Variants in BOK observed in about 807,000 individuals in gnomAD.
BOK encodes BCL2 family apoptosis regulator BOK.
In BOK, 20 loss-of-function variants were observed where a neutral mutation model predicts 18.3. The ratio of observed to expected loss-of-function variants is 1.09; its 90% CI spans 0.77 to 1.59. The LOEUF (loss-of-function observed/expected upper bound fraction) is 1.59, where lower values mean the gene tolerates loss of function less well. BOK is among the 40% of genes most tolerant of loss of function. The pLI is 0.00. For missense variants in BOK, 348 were observed against 307.9 expected (o/e 1.13, Z -0.97); for synonymous variants, 173 against 142.4 (o/e 1.21, Z -1.53).
At chr2:241,558,055 AC>A (rs1415139478), upstream of BOK, among the ~76,000 whole-genome samples, 6 of 95,224 alleles carry the variant, frequency 6.3e-5, no homozygotes, top group African/African-American at 3.5e-4. Flanking sequence ...GAGTTCCGAG[AC>A]ACACACACAC....
At chr2:241,564,869 C>A (rs922745404) in intron 3 of BOK, among the ~76,000 whole-genome samples, 23 of 152,330 alleles carry the variant, frequency 1.5e-4, no homozygotes, top group African/African-American at 5.5e-4. Flanking sequence ...GAGAATGCAG[C>A]AGCCTGCCCA....
chr2:241,555,919 G>C (rs1046930573), upstream of BOK, among the ~76,000 whole-genome samples: 6 of 152,182 alleles, frequency 3.9e-5, no homozygotes, highest in Non-Finnish European at 5.9e-5. Flanking sequence ...GAAGTTGCCT[G>C]AGGCTACACA....
rs1016156664 is a variant in BOK at position 241,562,031 on chromosome 2, A to G, written c.221-317A>G. 6.6e-6 allele frequency among the ~76,000 whole-genome samples: 1 copy of G among 152,220 alleles called. No individual in the cohort carries two copies. The highest frequency in any genetic ancestry group is 1.5e-5 in the Non-Finnish European group (1 of 68,036). On this transcript the variant is annotated intron_variant, in intron 2 of 4. Coordinates refer to ENST00000318407, the MANE Select transcript of BOK (RefSeq NM_032515.5). This position sits in a 1 kb window ranked among gnomAD's most constrained non-coding sequence, Gnocchi z 4.5. ...TGCCTGTCGGCTGTGAGTCACCAGC[A>G]GGCACGGCCCACGCTCTCGCAGGAT...
upstream of BOK, among the ~76,000 whole-genome samples, chr2:241,557,176 T>C (rs1259605756): frequency 6.6e-6 from 1 of 152,132 alleles, no homozygotes; most frequent in Non-Finnish European, 1.5e-5. Flanking sequence ...GCTTTGTTGA[T>C]TTTCTCTATT....
rs1033469358 is a variant in BOK, at chr2:241,567,288, G to A, written c.350-2837G>A. Among the ~76,000 whole-genome samples, 15 of 133,382 alleles carry A rather than the reference G, an allele frequency of 1.1e-4. 4 individuals carry two copies. The highest frequency in any genetic ancestry group is 6.8e-4 in the Admixed American group (9 of 13,266). The allele number at this position is 133,382 out of a possible 152,430, so 87.5% of individuals were successfully genotyped here. A position where few individuals can be genotyped will look rare whatever the true frequency, so the allele number is the denominator to read the frequency against. On this transcript the variant is annotated intron_variant, in intron 3 of 4. Coordinates refer to ENST00000318407, the MANE Select transcript of BOK (RefSeq NM_032515.5). ...ATTACAGGCACCCGCCACCATGCTT[G>A]GCTAATGTTTGTATTTTTAGTAGAG...
rs148150629 is a variant in BOK, at chr2:241,563,173, G to A, written c.349+697G>A. On this transcript the variant is annotated intron_variant, in intron 3 of 4. Transcript: ENST00000318407. ...CTGCCTCCCTGCTCCTGCTGCTCCC[G>A]GCTGTCCACATGCTTCTAGGCCCAC... Among the ~76,000 whole-genome samples the A allele has an allele frequency of 9.2e-5, 14 of 152,300 alleles. No individual in the cohort carries two copies. The East Asian group carries it at 1.2e-3, about 13-fold the overall frequency.
chr2:241,570,982 T>C (rs79848382), intron 4 of BOK, among the ~76,000 whole-genome samples: 7 of 50,946 alleles, frequency 1.4e-4, no homozygotes, highest in Admixed American at 5.2e-4. Context: ...GATGGGTGAG[T>C]GTCTGAGCGC....
chr2:241,559,501 C>T lies in BOK; in HGVS notation c.18C>T (p.Arg6=), dbSNP rs1384997581. Residue 6 remains arginine (R), a synonymous_variant, in exon 2 of 5, where the codon CGC becomes CGT. Transcript: ENST00000318407. ...TCGCCGCCATGGAGGTGCTGCGGCGCTCCTCGGTCTTCGCCGCCGAGATCA... is the reference window on the plus strand; with the variant it reads ...TCGCCGCCATGGAGGTGCTGCGGCGTTCCTCGGTCTTCGCCGCCGAGATCA... The part of the protein sequence containing the change: MEVLR[R]SSVFAAEIMD... 4 of 1,485,456 alleles carry T rather than the reference C, an allele frequency of 2.7e-6. No homozygotes were observed. In the African/African-American group the frequency reaches 5.8e-5, roughly 22 times the overall value. The allele number at this position is 1,485,456 out of a possible 1,614,324, so 92.0% of individuals were successfully genotyped here. A position where few individuals can be genotyped will look rare whatever the true frequency, so the allele number is the denominator to read the frequency against.
At chr2:241,560,074 C>G (rs1574994749) in intron 2 of BOK, 1 of 985,444 alleles carries the variant, frequency 1.0e-6, no homozygotes, top group African/African-American at 1.7e-5. Context: ...AAAACAGATT[C>G]TTGCTGTTAC....
chr2:241,553,067 C>G (rs370064719), intron 1 of BOK, among the ~76,000 whole-genome samples: 1 of 152,242 alleles, frequency 6.6e-6, no homozygotes, highest in Admixed American at 6.5e-5. Flanking sequence ...CTGCTGCCAC[C>G]GACCCCCGTG....
intron 4 of BOK, among the ~76,000 whole-genome samples, chr2:241,571,116 C>T (rs1271089504): frequency 6.6e-6 from 1 of 151,848 alleles, no homozygotes; most frequent in Non-Finnish European, 1.5e-5. Flanking sequence ...GGGCCGAGAC[C>T]TACAGGCAGG....
intron 3 of BOK, among the ~76,000 whole-genome samples, chr2:241,568,579 G>T (rs767718159): frequency 6.6e-6 from 1 of 152,028 alleles, no homozygotes; most frequent in South Asian, 2.1e-4. Flanking sequence ...CACCATATCC[G>T]GCTAATTTTT....
Position 241,570,113 on chromosome 2 carries a change from C to G in BOK, c.350-12C>G, listed in dbSNP as rs372896184. 2 of 1,608,354 alleles carry G rather than the reference C, an allele frequency of 1.2e-6. No homozygotes were observed. The highest frequency in any genetic ancestry group is 2.3e-5 in the East Asian group (1 of 43,968). On this transcript the variant is annotated splice_polypyrimidine_tract_variant and intron_variant, in intron 3 of 4. Transcript: ENST00000318407. ...ATTCAAGTCCTGATCTTGACCATCT[C>G]TCTCCCTGCAGGCATCACGTGGGGC...
intron 1 of BOK, 52 bp from the exon 2 acceptor site, chr2:241,559,403 C>T (rs2066489231): frequency 1.5e-5 from 18 of 1,195,666 alleles, no homozygotes; most frequent in African/African-American, 9.6e-5. Context: ...GCCCCGCGCG[C>T]CCCGTTCCCC....
intron 3 of BOK, among the ~76,000 whole-genome samples, chr2:241,568,009 T>C (rs1160011122): frequency 6.6e-6 from 1 of 152,186 alleles, no homozygotes; most frequent in Non-Finnish European, 1.5e-5. Context: ...TGTGGACATT[T>C]TGCATCCACG....
At chr2:241,558,219 C>T (rs1024135810), upstream of BOK, among the ~76,000 whole-genome samples, 3 of 152,040 alleles carry the variant, frequency 2.0e-5, no homozygotes, top group African/African-American at 7.2e-5. Flanking sequence ...ACACCATTCA[C>T]AATAATTAAT....
chr2:241,563,054 G>A (rs774131733), intron 3 of BOK, among the ~76,000 whole-genome samples: 18 of 152,138 alleles, frequency 1.2e-4, no homozygotes, highest in East Asian at 1.9e-4. Flanking sequence ...GAGGGCATCC[G>A]GAGAACAGCA....
chr2:241,560,003 C>T (rs910056676), intron 2 of BOK: 1 of 907,218 alleles, frequency 1.1e-6, no homozygotes, highest in African/African-American at 1.8e-5. Context: ...CACAGTGACC[C>T]TTGTTCTCAG....
intron 3 of BOK, among the ~76,000 whole-genome samples, chr2:241,563,741 A>C (rs1418313429): frequency 6.6e-6 from 1 of 152,202 alleles, no homozygotes. Flanking sequence ...TGACAGCAGC[A>C]GGAGCCAGGC....
Sources: allele counts gnomAD v4.1 joint callset (sites outside exome capture counted in the v4.1 genomes callset), GRCh38; gene constraint gnomAD v4.1.1; non-coding constraint Gnocchi (gnomAD v3.1); transcripts MANE v1.5; gene names NCBI Gene and HGNC (gene_info 2026-07-23, HGNC 2026-07-21).